RASSF5: variants seen among roughly 807,000 people sequenced by gnomAD.
RASSF5 encodes the protein ras association domain-containing protein 5.
A neutral mutation model predicts 40.5 loss-of-function variants in RASSF5; 25 were observed. That is an observed-to-expected ratio of 0.62 (90% CI 0.45 to 0.86). The LOEUF (loss-of-function observed/expected upper bound fraction) is 0.86, where lower values mean the gene tolerates loss of function less well. Ranked by LOEUF, RASSF5 falls within the 40% of genes least tolerant of loss-of-function variation. The pLI, the probability that RASSF5 is intolerant of heterozygous loss-of-function variation, is 0.00. For synonymous variants in RASSF5, 246 were observed against 252.4 expected (o/e 0.97, Z 0.24); for missense variants, 521 against 572.8 (o/e 0.91, Z 0.92).
rs1666665062 is a variant in RASSF5 at position 206,513,313 on chromosome 1, A to C, written c.457+5254A>C. On this transcript the variant is annotated intron_variant, in intron 1 of 5. Coordinates refer to ENST00000579436, the MANE Select transcript of RASSF5 (RefSeq NM_182663.4). The surrounding 1 kb of genome is among the most constrained non-coding windows in gnomAD (Gnocchi z 5.0). The stretch of plus-strand genomic sequence containing the variant: ...GAAGGCTGCTGAGGAACCTGTAAAC[A>C]CATCTCTGGCCTCACCAGAGGCCCT... Among the ~76,000 whole-genome samples the C allele has an allele frequency of 6.6e-6, 1 of 152,146 alleles. No individual in the cohort carries two copies. The highest frequency in any genetic ancestry group is 1.5e-5 in the Non-Finnish European group (1 of 68,028).
chr1:206,562,707 C>T (rs1464822042), intron 2 of RASSF5, among the ~76,000 whole-genome samples: 3 of 152,050 alleles, frequency 2.0e-5, no homozygotes, highest in Non-Finnish European at 2.9e-5. Context: ...CCGAGACGGG[C>T]GGATCACGAG....
chr1:206,584,384 C>A lies in RASSF5; in HGVS notation c.691-3C>A. 2 of 1,607,200 alleles carry A rather than the reference C, an allele frequency of 1.2e-6. No individual in the cohort carries two copies. The highest frequency in any genetic ancestry group is 1.7e-6 in the Non-Finnish European group (2 of 1,175,716). On this transcript the variant is annotated splice_region_variant and splice_polypyrimidine_tract_variant and intron_variant, in intron 3 of 5. Coordinates refer to ENST00000579436, the MANE Select transcript of RASSF5 (RefSeq NM_182663.4). The surrounding 1 kb of genome is among the most constrained non-coding windows in gnomAD (Gnocchi z 4.9). ...ACCCCCTGTGACATGCCCCCGCTGG[C>A]AGAGTGAAGACGGCACCTACACGGG...
chr1:206,585,117 G>T, intron 4 of RASSF5, 63 bp from the exon 5 acceptor site: 1 of 1,268,768 alleles, frequency 7.9e-7, no homozygotes, highest in Non-Finnish European at 1.1e-6. Context: ...ATCCTTTCCC[G>T]CAAGCCTGGG....
intron 1 of RASSF5, among the ~76,000 whole-genome samples, chr1:206,516,978 G>A (rs1202035856): frequency 3.9e-5 from 6 of 152,144 alleles, no homozygotes; most frequent in South Asian, 4.1e-4. Flanking sequence ...CCTTCTTCTG[G>A]TACAGAGGTT....
intron 1 of RASSF5, among the ~76,000 whole-genome samples, chr1:206,528,066 G>C (rs545818305): frequency 6.6e-6 from 1 of 152,244 alleles, no homozygotes; most frequent in Admixed American, 6.5e-5. Flanking sequence ...ATTCAGAGTT[G>C]CCAAAATTTG....
At chr1:206,544,715 A>G (rs1572326628) in intron 2 of RASSF5, 1 of 151,600 alleles carries the variant, frequency 6.6e-6, no homozygotes. Context: ...TACACCCCCA[A>G]CCCCAAACAC....
At chr1:206,547,531 T>A (rs1026730244) in intron 2 of RASSF5, among the ~76,000 whole-genome samples, 78 of 152,016 alleles carry the variant, frequency 5.1e-4, no homozygotes, top group African/African-American at 1.9e-3. Context: ...GACCATCTAG[T>A]TGCAGGAAAA....
intron 2 of RASSF5, among the ~76,000 whole-genome samples, chr1:206,547,812 T>A (rs1667736320): frequency 6.6e-6 from 1 of 152,212 alleles, no homozygotes. Flanking sequence ...TAAAGAGATT[T>A]AAATGATAAG....
intron 5 of RASSF5, 127 bp from the exon 6 acceptor site, chr1:206,586,699 A>G: frequency 1.3e-6 from 1 of 757,884 alleles, no homozygotes; most frequent in Non-Finnish European, 2.2e-6. Flanking sequence ...TCTGTTCAGT[A>G]GCAAACTGTG....
At chr1:206,520,924 C>T (rs1666889178) in intron 1 of RASSF5, among the ~76,000 whole-genome samples, 1 of 152,264 alleles carries the variant, frequency 6.6e-6, no homozygotes, top group East Asian at 1.9e-4. Flanking sequence ...CGGCTGTCTG[C>T]CCCTCCATTG....
chr1:206,518,533 G>A (rs1218729763), intron 1 of RASSF5: 4 of 398,584 alleles, frequency 1.0e-5, no homozygotes, highest in African/African-American at 4.1e-5. Context: ...AACGGGGCCC[G>A]GAGGGCTCGG....
chr1:206,527,221 A>AAAGCGG (rs1553397343), intron 1 of RASSF5, among the ~76,000 whole-genome samples: 9 of 152,190 alleles, frequency 5.9e-5, no homozygotes, highest in African/African-American at 2.2e-4. Context: ...TCAAGGGATC[A>AAAGCGG]CACCATCTGG....
chr1:206,513,585 C>T lies in RASSF5; in HGVS notation c.457+5526C>T, dbSNP rs1349098913. 2.0e-5 allele frequency among the ~76,000 whole-genome samples: 3 copies of T among 152,200 alleles called. No individual in the cohort carries two copies. The highest frequency in any genetic ancestry group is 4.4e-5 in the Non-Finnish European group (3 of 68,040). ...GTCTCTGCTGACTCTGGGCACCTGC[C>T]CCTCCCGCAGGGCTCTGTTCTGACT... On this transcript the variant is annotated intron_variant, in intron 1 of 5. Transcript: ENST00000579436. This position sits in a 1 kb window ranked among gnomAD's most constrained non-coding sequence, Gnocchi z 5.0.
chr1:206,533,544 C>T (rs543418701), intron 1 of RASSF5, among the ~76,000 whole-genome samples: 3 of 152,116 alleles, frequency 2.0e-5, no homozygotes, highest in East Asian at 1.9e-4. Context: ...TCACTTGAGG[C>T]GGGGAGTTTG....
At chr1:206,580,592 G>C (rs1010795201) in intron 2 of RASSF5, 1 of 152,270 alleles carries the variant, frequency 6.6e-6, no homozygotes, top group South Asian at 2.1e-4. Context: ...CCCAAGGGAA[G>C]GGATGAGGAA....
intron 1 of RASSF5, among the ~76,000 whole-genome samples, chr1:206,518,066 A>T (rs540929435): frequency 4.6e-5 from 7 of 152,272 alleles, no homozygotes; most frequent in Non-Finnish European, 1.0e-4. Context: ...CTTTGGAGAC[A>T]TTGATTTTCA....
At chr1:206,511,531 T>A (rs1310381041) in intron 1 of RASSF5, among the ~76,000 whole-genome samples, 1 of 152,174 alleles carries the variant, frequency 6.6e-6, no homozygotes, top group African/African-American at 2.4e-5. Flanking sequence ...CCTTGGCCAT[T>A]GTCAGTGAAT....
At chr1:206,520,408 A>G (rs1338109706) in intron 1 of RASSF5, among the ~76,000 whole-genome samples, 4 of 152,150 alleles carry the variant, frequency 2.6e-5, no homozygotes, top group East Asian at 3.9e-4. Flanking sequence ...GGAGTTCGAG[A>G]CAAGCCTGGC....
At chr1:206,564,112 AGTGT>A (rs1668221239) in intron 2 of RASSF5, among the ~76,000 whole-genome samples, 1 of 152,182 alleles carries the variant, frequency 6.6e-6, no homozygotes, top group Admixed American at 6.5e-5. Context: ...TTGTCATGTG[AGTGT>A]CCTTATCTTC....
Sources: gnomAD v4.1 joint callset for allele counts (sites outside exome capture counted in the v4.1 genomes callset) on GRCh38, gnomAD v4.1.1 for gene constraint, Gnocchi (gnomAD v3.1) non-coding constraint, MANE v1.5 for transcripts, NCBI Gene and HGNC (gene_info 2026-07-23, HGNC 2026-07-21) for gene names.